BEND6: variants seen among roughly 807,000 people sequenced by gnomAD.
BEND6 encodes BEN domain-containing protein 6.
A neutral mutation model predicts 31.8 loss-of-function variants in BEND6; 24 were observed. That is an observed-to-expected ratio of 0.75 (90% CI 0.55 to 1.06). The LOEUF (loss-of-function observed/expected upper bound fraction) is 1.06. BEND6 is among the 50% of genes least tolerant of loss of function. The probability of loss-of-function intolerance (pLI) is 0.00; values close to 1 mark genes in which losing one functional copy is unlikely to be tolerated. For missense variants in BEND6, 294 were observed against 327.4 expected (o/e 0.90, Z 0.79); for synonymous variants, 109 against 114.6 (o/e 0.95, Z 0.31).
intron 1 of BEND6, among the ~76,000 whole-genome samples, chr6:56,956,802 TCAA>T (rs1183907409): frequency 6.6e-6 from 1 of 152,226 alleles, no homozygotes; most frequent in Non-Finnish European, 1.5e-5. Context: ...GAGAAACTAT[TCAA>T]CAATTATGCA....
At chr6:56,994,566 T>A (rs1015262027) in intron 3 of BEND6, among the ~76,000 whole-genome samples, 7 of 151,086 alleles carry the variant, frequency 4.6e-5, no homozygotes, top group African/African-American at 1.5e-4. Flanking sequence ...CACTGTGCCC[T>A]TATCCCCCAC....
intron 3 of BEND6, among the ~76,000 whole-genome samples, chr6:57,004,292 A>G (rs1827064795): frequency 6.6e-6 from 1 of 152,192 alleles, no homozygotes; most frequent in Non-Finnish European, 1.5e-5. Flanking sequence ...TCTGCCAAAC[A>G]TCTCCTCGAA....
At chr6:56,969,424 A>G (rs1378399201) in intron 1 of BEND6, among the ~76,000 whole-genome samples, 1 of 152,232 alleles carries the variant, frequency 6.6e-6, no homozygotes, top group Non-Finnish European at 1.5e-5. Flanking sequence ...CTGGCTATTT[A>G]GAATTATATT....
intron 3 of BEND6, among the ~76,000 whole-genome samples, chr6:56,993,437 A>G (rs1268865625): frequency 6.6e-6 from 1 of 152,234 alleles, no homozygotes; most frequent in Non-Finnish European, 1.5e-5. Flanking sequence ...ACAATTGTCC[A>G]GTCTCACATG....
intron 2 of BEND6, among the ~76,000 whole-genome samples, chr6:56,983,762 A>G (rs541971303): frequency 3.9e-5 from 6 of 152,208 alleles, no homozygotes; most frequent in Non-Finnish European, 8.8e-5. Context: ...TGTTTTTAAT[A>G]CCTATCTATA....
chr6:57,021,352 C>T (rs115017177), intron 6 of BEND6, among the ~76,000 whole-genome samples: 1,610 of 152,260 alleles, frequency 0.011, 30 homozygotes, highest in African/African-American at 0.036. Flanking sequence ...GAGCCTATGG[C>T]CCTGCCCTGC....
At chr6:56,956,235 T>A (rs1824938486) in intron 1 of BEND6, among the ~76,000 whole-genome samples, 1 of 152,274 alleles carries the variant, frequency 6.6e-6, no homozygotes, top group African/African-American at 2.4e-5. Flanking sequence ...TGTATTAGCC[T>A]CTTTTTTGGA....
intron 3 of BEND6, among the ~76,000 whole-genome samples, chr6:56,997,243 A>G (rs1017496765): frequency 6.6e-6 from 1 of 151,086 alleles, no homozygotes. Flanking sequence ...TATGCCTTGA[A>G]CCCCCATTTC....
intron 1 of BEND6, among the ~76,000 whole-genome samples, chr6:56,977,445 T>C (rs768769020): frequency 6.6e-6 from 1 of 152,122 alleles, no homozygotes; most frequent in South Asian, 2.1e-4. Context: ...CAACCTGAAG[T>C]GGAATCTACT....
intron 1 of BEND6, among the ~76,000 whole-genome samples, chr6:56,956,711 T>C (rs1197393659): frequency 6.6e-6 from 1 of 152,234 alleles, no homozygotes; most frequent in Non-Finnish European, 1.5e-5. Flanking sequence ...CATGGGTCTC[T>C]AGCACTCAGA....
At chr6:57,002,862 A>G (rs1489695262) in intron 3 of BEND6, among the ~76,000 whole-genome samples, 1 of 152,162 alleles carries the variant, frequency 6.6e-6, no homozygotes, top group Non-Finnish European at 1.5e-5. Context: ...AAAATCAAAG[A>G]ACTAAACAAA....
Position 57,013,040 on chromosome 6 carries a change from C to T in BEND6, c.299-2093C>T, listed in dbSNP as rs147924318. On this transcript the variant is annotated intron_variant, in intron 3 of 6. Coordinates refer to ENST00000370746, the MANE Select transcript of BEND6 (RefSeq NM_152731.3). Reference sequence around the variant, plus strand: ...CCACCCAAGTCAAGCCCTCCCATTCCCCATCCTGGGTCAAGCACCTGATGC... The same window carrying T: ...CCACCCAAGTCAAGCCCTCCCATTCTCCATCCTGGGTCAAGCACCTGATGC... Among the ~76,000 whole-genome samples, 132 of 152,276 alleles carry T rather than the reference C, an allele frequency of 8.7e-4. 1 individual carries two copies. The East Asian group carries it at 0.023, about 27-fold the overall frequency.
chr6:56,982,452 G>C (rs946179030), intron 2 of BEND6, among the ~76,000 whole-genome samples: 5 of 151,928 alleles, frequency 3.3e-5, no homozygotes, highest in African/African-American at 1.2e-4. Context: ...TCACTGGTTT[G>C]GTCAGGGTGC....
intron 3 of BEND6, chr6:57,008,258 A>G (rs1827229554): frequency 1.6e-5 from 11 of 702,752 alleles, no homozygotes; most frequent in Non-Finnish European, 2.9e-5. Context: ...CTCATCTCAG[A>G]TACGGGTCCT....
At chr6:57,003,949 T>C (rs1597694) in intron 3 of BEND6, among the ~76,000 whole-genome samples, 34,367 of 152,100 alleles carry the variant, frequency 0.23, 4,032 homozygotes, top group African/African-American at 0.24. Context: ...TCTCAATAGA[T>C]GTGGAAAAAG....
chr6:57,006,310 G>A (rs563447820), intron 3 of BEND6, among the ~76,000 whole-genome samples: 1 of 152,316 alleles, frequency 6.6e-6, no homozygotes, highest in East Asian at 1.9e-4. Context: ...GTGACGTGCA[G>A]TTACACAAGA....
intron 1 of BEND6, among the ~76,000 whole-genome samples, chr6:56,961,642 T>G (rs750829749): frequency 1.3e-5 from 2 of 152,226 alleles, no homozygotes; most frequent in Non-Finnish European, 2.9e-5. Context: ...AAAGGTAGTC[T>G]TGGGTTCACA....
intron 3 of BEND6, among the ~76,000 whole-genome samples, chr6:57,001,250 A>C (rs1826932346): frequency 6.7e-6 from 1 of 148,968 alleles, no homozygotes; most frequent in Admixed American, 6.8e-5. Context: ...TGCAACCCCT[A>C]CCTCCCAAGC....
intron 3 of BEND6, among the ~76,000 whole-genome samples, chr6:56,999,420 G>T (rs150122088): frequency 1.8e-3 from 268 of 152,350 alleles, no homozygotes; most frequent in African/African-American, 6.2e-3. Context: ...CATTCAAGCA[G>T]ATCTCCAAGC....
Sources: allele counts gnomAD v4.1 joint callset (sites outside exome capture counted in the v4.1 genomes callset), GRCh38; gene constraint gnomAD v4.1.1; transcripts MANE v1.5; gene names NCBI Gene and HGNC (gene_info 2026-07-23, HGNC 2026-07-21).